FAM227B: variants seen among roughly 807,000 people sequenced by gnomAD.
The protein encoded by FAM227B is protein FAM227B.
Under a neutral mutation model 73.8 loss-of-function variants are expected in FAM227B, and 88 were observed. The ratio of observed to expected loss-of-function variants is 1.19; its 90% CI spans 1.00 to 1.42. The LOEUF (loss-of-function observed/expected upper bound fraction) is 1.42. Among genes scored for constraint, FAM227B ranks in the 40% most tolerant of loss-of-function variants. The pLI, the probability that FAM227B is intolerant of heterozygous loss-of-function variation, is 0.00. For missense variants in FAM227B, 632 were observed against 590.9 expected, an observed-to-expected ratio of 1.07 and a Z score of -0.72; for synonymous variants, 210 against 190.5, an observed-to-expected ratio of 1.10 and a Z score of -0.84.
At chr15:49,561,988 T>C (rs1223681677) in intron 9 of FAM227B, among the ~76,000 whole-genome samples, 2 of 151,866 alleles carry the variant, frequency 1.3e-5, no homozygotes, top group Non-Finnish European at 2.9e-5. Flanking sequence ...AGACAAGAAG[T>C]AACTAAAATC....
intron 11 of FAM227B, among the ~76,000 whole-genome samples, chr15:49,500,074 A>G (rs1005044756): frequency 6.6e-6 from 1 of 152,238 alleles, no homozygotes; most frequent in Admixed American, 6.5e-5. Context: ...ATACTGGGAG[A>G]AAATATTTGT....
intron 11 of FAM227B, among the ~76,000 whole-genome samples, chr15:49,471,484 A>AAATAATAATAATAAT (rs201297260): frequency 5.1e-5 from 7 of 137,860 alleles, no homozygotes; most frequent in Admixed American, 1.5e-4. Flanking sequence ...CTCTATCTCA[A>AAATAATAATAATAAT]AATAATAATA....
intron 15 of FAM227B, chr15:49,329,891 G>A (rs2038290554): frequency 1.1e-5 from 5 of 453,998 alleles, no homozygotes; most frequent in African/African-American, 2.1e-5. Context: ...CACAAAAGGT[G>A]AGTAAAAATT....
intron 11 of FAM227B, among the ~76,000 whole-genome samples, chr15:49,443,938 T>C (rs376238785): frequency 5.6e-4 from 85 of 151,852 alleles, no homozygotes; most frequent in African/African-American, 2.0e-3. Context: ...TTGTTAAACA[T>C]TTACATCATG....
intron 11 of FAM227B, among the ~76,000 whole-genome samples, chr15:49,465,553 A>C (rs1176776198): frequency 6.6e-6 from 1 of 151,390 alleles, no homozygotes; most frequent in Non-Finnish European, 1.5e-5. Flanking sequence ...GCATGTTGAA[A>C]ATATAAATAG....
At chr15:49,487,513 G>A (rs2056498449) in intron 11 of FAM227B, 1 of 151,810 alleles carries the variant, frequency 6.6e-6, no homozygotes, top group Non-Finnish European at 1.5e-5. Context: ...AGGGATGCTG[G>A]AGGTAAATTC....
At chr15:49,340,758 T>C (rs1380604382) in intron 13 of FAM227B, among the ~76,000 whole-genome samples, 1 of 152,228 alleles carries the variant, frequency 6.6e-6, no homozygotes, top group Non-Finnish European at 1.5e-5. Context: ...GCAGAAGCTC[T>C]TTAGTTTAAT....
chr15:49,572,331 T>C (rs1203117408), intron 8 of FAM227B, among the ~76,000 whole-genome samples: 1 of 152,116 alleles, frequency 6.6e-6, no homozygotes, highest in Non-Finnish European at 1.5e-5. Flanking sequence ...TTTATTTCTT[T>C]CTCTGGCCTA....
chr15:49,485,844 A>C (rs2056361551), intron 11 of FAM227B: 1 of 152,108 alleles, frequency 6.6e-6, no homozygotes, highest in African/African-American at 2.4e-5. Context: ...ATTTAAATTT[A>C]GTAATTTTCT....
intron 11 of FAM227B, among the ~76,000 whole-genome samples, chr15:49,493,719 A>G (rs12910284): frequency 0.3 from 45,779 of 151,692 alleles, 8,193 homozygotes; most frequent in East Asian, 0.42. Flanking sequence ...ACACTTATCT[A>G]CTTAAGCAAC....
At chr15:49,409,818 T>G (rs1034847055) in intron 11 of FAM227B, among the ~76,000 whole-genome samples, 3 of 152,126 alleles carry the variant, frequency 2.0e-5, no homozygotes, top group African/African-American at 7.2e-5. Flanking sequence ...CAACTTAATA[T>G]GACTGCATTA....
chr15:49,391,993 A>C (rs1216021546), intron 11 of FAM227B, among the ~76,000 whole-genome samples: 6 of 152,114 alleles, frequency 3.9e-5, no homozygotes, highest in African/African-American at 4.8e-5. Flanking sequence ...AAGCAGACCC[A>C]CATGTGGTTT....
At chr15:49,549,018 TTTA>T (rs2152298286) in intron 9 of FAM227B, among the ~76,000 whole-genome samples, 1 of 152,260 alleles carries the variant, frequency 6.6e-6, no homozygotes, top group East Asian at 1.9e-4. Context: ...TGCTCTGATC[TTTA>T]TTATTTATTT....
intron 11 of FAM227B, among the ~76,000 whole-genome samples, chr15:49,385,606 A>C (rs2046832488): frequency 6.6e-6 from 1 of 151,700 alleles, no homozygotes. Context: ...AATGAAAAAA[A>C]AAAAAACTAG....
Position 49,525,711 on chromosome 15 carries a change from T to TATATATATATAC in FAM227B, c.874+15968_874+15969insGTATATATATAT, listed in dbSNP as rs2060143583. 7.9e-5 allele frequency among the ~76,000 whole-genome samples: 5 copies of TATATATATATAC among 63,170 alleles called. 1 individual carries two copies. The highest frequency in any genetic ancestry group is 2.6e-4 in the African/African-American group (5 of 19,320). 41.4% of individuals were successfully genotyped at this position (63,170 alleles called of 152,430 possible). A position where few individuals can be genotyped will look rare whatever the true frequency, so the allele number is the denominator to read the frequency against. On this transcript the variant is annotated intron_variant, in intron 10 of 15. Coordinates refer to ENST00000299338, the MANE Select transcript of FAM227B (RefSeq NM_152647.3). The stretch of plus-strand genomic sequence containing the variant: ...ATATATATATATATATATATATATA[T>TATATATATATAC]ATATATATCACAAACAGAGCACAAA...
In FAM227B at chr15:49,476,232, G is replaced by GTTTTTTTTT; in HGVS notation, c.1012+31970_1012+31978dup. 6.3e-3 allele frequency among the ~76,000 whole-genome samples: 361 copies of GTTTTTTTTT among 57,070 alleles called. 19 individuals carry two copies. Among genetic ancestry groups the GTTTTTTTTT allele is most frequent in the Middle Eastern group, 9.8e-3 (1 of 102 alleles). The allele number at this position is 57,070 out of a possible 152,430, so 37.4% of individuals were successfully genotyped here. On this transcript the variant is annotated intron_variant, in intron 11 of 15. Coordinates refer to ENST00000299338, the MANE Select transcript of FAM227B (RefSeq NM_152647.3). ...TTGCTGTTTTGTTTTTTTGTTTTTG[G>GTTTTTTTTT]TTTTTTTTTTTTTGCATTTGGCATA...
rs2037620042 is a variant in FAM227B, at chr15:49,327,021, A to AAGAATTAATTGTAAGTACATGTT, written c.*1524_*1546dup. 1.3e-5 allele frequency: 2 copies of AAGAATTAATTGTAAGTACATGTT among 152,156 alleles called. No homozygotes were observed. The highest frequency in any genetic ancestry group is 1.5e-5 in the Non-Finnish European group (1 of 68,020). The allele number at this position is 152,156 out of a possible 1,614,324, so 9.4% of individuals were successfully genotyped here. A position where few individuals can be genotyped will look rare whatever the true frequency, so the allele number is the denominator to read the frequency against. ...GTAATTTGGAGTGAATTTTATTAAG[A>AAGAATTAATTGTAAGTACATGTT]AGAATTAATTGTAAGTACATGTTAA... On this transcript the variant is annotated 3_prime_UTR_variant, in exon 16 of 16. Coordinates refer to ENST00000299338, the MANE Select transcript of FAM227B (RefSeq NM_152647.3).
chr15:49,357,356 AAAG>A lies in FAM227B; in HGVS notation c.1271+10089_1271+10091del, dbSNP rs1235435492. Among the ~76,000 whole-genome samples the A allele has an allele frequency of 7.3e-5, 11 of 150,194 alleles. No homozygotes were observed. In the East Asian group the frequency reaches 2.1e-3, roughly 29 times the overall value. On this transcript the variant is annotated intron_variant, in intron 13 of 15. Transcript: ENST00000299338. ...CCGCTAGCAAGACTAATAAAGAAAAAAAGAGAGAAGAATCAAATAGACGCAATA... is the reference window on the plus strand; with the variant it reads ...CCGCTAGCAAGACTAATAAAGAAAAAAGAGAAGAATCAAATAGACGCAATA...
intron 11 of FAM227B, among the ~76,000 whole-genome samples, chr15:49,435,671 T>C (rs758111204): frequency 2.0e-5 from 3 of 151,578 alleles, no homozygotes; most frequent in Non-Finnish European, 3.0e-5. Context: ...TGGCCAGATA[T>C]TGAATAATAA....
Sources: gnomAD v4.1 joint callset for allele counts (sites outside exome capture counted in the v4.1 genomes callset) on GRCh38, gnomAD v4.1.1 for gene constraint, MANE v1.5 for transcripts, NCBI Gene and HGNC (gene_info 2026-07-23, HGNC 2026-07-21) for gene names.